Variants in ALMS1 observed in about 807,000 individuals in gnomAD.
The protein encoded by ALMS1 is centrosome-associated protein ALMS1.
In ALMS1, 271 loss-of-function variants were observed where a neutral mutation model predicts 352.2. That is an observed-to-expected ratio of 0.77 (90% CI 0.70 to 0.85). ALMS1 has a LOEUF of 0.85. Ranked by LOEUF, ALMS1 falls within the 40% of genes least tolerant of loss-of-function variation. The pLI, the probability that ALMS1 is intolerant of heterozygous loss-of-function variation, is 0.00. For synonymous variants in ALMS1, 1,865 were observed against 1,761.2 expected (o/e 1.06, Z -1.48); for missense variants, 5,445 against 4,870.7 (o/e 1.12, Z -3.51).
intron 13 of ALMS1, among the ~76,000 whole-genome samples, chr2:73,552,668 C>G (rs1674464213): frequency 6.6e-6 from 1 of 152,206 alleles, no homozygotes; most frequent in South Asian, 2.1e-4. Context: ...AAGCCCTCCT[C>G]CTGGCTTAGT....
At position 73,573,358 on chromosome 2, in the gene ALMS1, C is replaced by G. The variant is rs549156484; in HGVS notation, c.11481C>G (p.Ser3827Arg). 1.7e-4 allele frequency: 278 copies of G among 1,614,068 alleles called. 6 individuals are homozygous for G. In the South Asian group the frequency reaches 2.9e-3, roughly 17 times the overall value. The change falls in exon 16 of 23, where the codon AGC becomes AGG. Residue 3827 changes from serine (S) to arginine (R), a missense_variant. Ser to Arg is a moderately radical substitution (Grantham distance 110). Coordinates refer to ENST00000613296, the MANE Select transcript of ALMS1 (RefSeq NM_001378454.1). Reference sequence around the variant, plus strand: ...ACCTTGAGAAGCGGAGCAAACACAGCAAGAAAGTGCTGAATACAGGTCATC... The same window carrying G: ...ACCTTGAGAAGCGGAGCAAACACAGGAAGAAAGTGCTGAATACAGGTCATC... ...RRYLEKRSKH[S>R]KKVLNTGHPL... is the part of the protein sequence containing the mutation.
In ALMS1 at chr2:73,422,972, G is replaced by C; in HGVS notation, c.762G>C (p.Leu254=). ...FHQSELSFAP[L]RGIPDKSEDT... is the part of the protein sequence containing the mutation. ...AAAGTGAACTAAGTTTTGCACCTCT[G>C]AGGTAGGATGATTTATTTGCATGTA... The change falls in exon 4 of 23, where the codon CTG becomes CTC. Residue 254 remains leucine, a splice_region_variant and synonymous_variant. Transcript: ENST00000613296. 1 of 1,598,842 alleles carries C rather than the reference G, an allele frequency of 6.3e-7. No individual in the cohort carries two copies. The highest frequency in any genetic ancestry group is 1.1e-5 in the South Asian group (1 of 90,778).
At chr2:73,459,757 T>C (rs904597881) in intron 9 of ALMS1, among the ~76,000 whole-genome samples, 1 of 152,190 alleles carries the variant, frequency 6.6e-6, no homozygotes, top group Non-Finnish European at 1.5e-5. Flanking sequence ...GAATATCTTA[T>C]ATTTTCTTTT....
chr2:73,497,695 C>G (rs1426169660), intron 10 of ALMS1, among the ~76,000 whole-genome samples: 1 of 152,114 alleles, frequency 6.6e-6, no homozygotes, highest in Admixed American at 6.5e-5. Flanking sequence ...CCAGCTCCAT[C>G]AAAGTTACTG....
chr2:73,587,110 T>G lies in ALMS1; in HGVS notation c.11548-12291T>G, dbSNP rs551552854. 5.7e-4 allele frequency among the ~76,000 whole-genome samples: 87 copies of G among 152,350 alleles called. 1 individual carries two copies. The South Asian group carries it at 0.013, about 24-fold the overall frequency. On this transcript the variant is annotated intron_variant, in intron 16 of 22. Transcript: ENST00000613296. ...GTTGGTGCATAGCAGTGCTACTGAT[T>G]TGTGTACATTGATTTTGTATCCTGT...
chr2:73,393,724 G>A (rs899385636), intron 1 of ALMS1, among the ~76,000 whole-genome samples: 2 of 152,030 alleles, frequency 1.3e-5, no homozygotes, highest in Admixed American at 6.6e-5. Context: ...TAGTACCCTT[G>A]TAGAAAATCA....
intron 9 of ALMS1, among the ~76,000 whole-genome samples, chr2:73,460,476 A>G (rs1042463543): frequency 1.3e-5 from 2 of 152,202 alleles, no homozygotes; most frequent in African/African-American, 4.8e-5. Context: ...AGATGGCCAA[A>G]TAGGAACAGC....
intron 14 of ALMS1, among the ~76,000 whole-genome samples, chr2:73,558,485 ACT>A (rs1291879504): frequency 6.6e-6 from 1 of 152,218 alleles, no homozygotes; most frequent in Non-Finnish European, 1.5e-5. Context: ...CTCTTTTAGC[ACT>A]GTCTTCTAGA....
intron 12 of ALMS1, among the ~76,000 whole-genome samples, chr2:73,539,489 T>C (rs956076001): frequency 6.6e-6 from 1 of 152,074 alleles, no homozygotes; most frequent in Non-Finnish European, 1.5e-5. Context: ...CAAAGGAACG[T>C]AGCTCCTCAC....
intron 6 of ALMS1, among the ~76,000 whole-genome samples, chr2:73,428,952 G>A (rs1242463679): frequency 2.0e-5 from 3 of 152,110 alleles, no homozygotes; most frequent in Non-Finnish European, 4.4e-5. Flanking sequence ...GGGTATCCAC[G>A]TATGTATGAT....
chr2:73,539,723 C>T (rs562285009), intron 12 of ALMS1, among the ~76,000 whole-genome samples: 4 of 152,096 alleles, frequency 2.6e-5, no homozygotes, highest in South Asian at 4.1e-4. Flanking sequence ...AACTACGTGG[C>T]GAATGTACAA....
chr2:73,513,715 C>T (rs998192923), intron 10 of ALMS1, among the ~76,000 whole-genome samples: 1 of 152,190 alleles, frequency 6.6e-6, no homozygotes, highest in Non-Finnish European at 1.5e-5. Context: ...TGGGCTCTAA[C>T]TCCACATGTC....
intron 16 of ALMS1, among the ~76,000 whole-genome samples, chr2:73,584,877 C>T (rs1478145876): frequency 1.3e-5 from 2 of 151,570 alleles, no homozygotes; most frequent in Admixed American, 6.6e-5. Context: ...TGAGAACATA[C>T]AATATTTGAT....
intron 11 of ALMS1, among the ~76,000 whole-genome samples, chr2:73,526,959 T>A (rs949687939): frequency 1.3e-5 from 2 of 152,234 alleles, no homozygotes; most frequent in African/African-American, 4.8e-5. Context: ...ATACCTAGTT[T>A]TTTCAGGGTT....
intron 12 of ALMS1, among the ~76,000 whole-genome samples, chr2:73,546,344 GTTGTT>G (rs1449556504): frequency 1.3e-5 from 2 of 152,090 alleles, no homozygotes; most frequent in Non-Finnish European, 2.9e-5. Flanking sequence ...CAATGATCAG[GTTGTT>G]TTGTTTGTTT....
chr2:73,516,704 A>G (rs1174200390), intron 10 of ALMS1, among the ~76,000 whole-genome samples: 1 of 152,166 alleles, frequency 6.6e-6, no homozygotes, highest in Non-Finnish European at 1.5e-5. Context: ...ACAGTCATGC[A>G]TTTCTTGCAG....
In ALMS1 at chr2:73,450,921, C is replaced by T. The variant is rs200980776; in HGVS notation, c.4394C>T (p.Thr1465Met). 5.7e-5 allele frequency: 92 copies of T among 1,613,820 alleles called. No homozygotes were observed. The Middle Eastern group carries it at 6.6e-4, about 12-fold the overall frequency. The change falls in exon 8 of 23, where the codon ACG becomes ATG. Residue 1465 changes from threonine (T) to methionine (M), a missense_variant. Transcript: ENST00000613296. Reference sequence around the variant, plus strand: ...GTTGCTCCTGGACCAGTTGACCAGACGATTGGCACACCAACTGTAACCTCC... The same window carrying T: ...GTTGCTCCTGGACCAGTTGACCAGATGATTGGCACACCAACTGTAACCTCC... ...VSVAPGPVDQ[T>M]IGTPTVTSPS... is the part of the protein sequence containing the mutation.
chr2:73,550,536 T>C, intron 13 of ALMS1, 99 bp downstream of exon 13: 1 of 1,475,196 alleles, frequency 6.8e-7, no homozygotes. Context: ...TGTTTTGTTA[T>C]ACAAGCTTTT....
chr2:73,455,227 G>C lies in ALMS1; in HGVS notation c.7606G>C (p.Asp2536His). The C allele has an allele frequency of 6.2e-7, 1 of 1,614,000 alleles. No individual in the cohort carries two copies. The highest frequency in any genetic ancestry group is 1.3e-5 in the African/African-American group (1 of 75,044). Residue 2536 changes from aspartate to histidine, a missense_variant, in exon 9 of 23, where the codon GAC (aspartate) becomes CAC (histidine). By Grantham distance (81) the Asp-to-His change is moderately conservative. Transcript: ENST00000613296. The stretch of plus-strand genomic sequence containing the variant: ...CTCCATTTCAGAATTAAATGAAGAT[G>C]ACAGGAGGAAAGTAGAAGAGATCAA... ...GYSISELNED[D>H]RRKVEEIKAE... is the part of the protein sequence containing the mutation.
Sources: gnomAD v4.1 joint callset for allele counts (sites outside exome capture counted in the v4.1 genomes callset) on GRCh38, gnomAD v4.1.1 for gene constraint, MANE v1.5 for transcripts, NCBI Gene and HGNC (gene_info 2026-07-23, HGNC 2026-07-21) for gene names.